TENM2: variants seen among roughly 807,000 people sequenced by gnomAD.
TENM2 encodes the protein teneurin transmembrane protein 2.
A neutral mutation model predicts 245.2 loss-of-function variants in TENM2; 52 were observed. The observed-to-expected ratio is 0.21, with a 90% CI of 0.17 to 0.27. The LOEUF (loss-of-function observed/expected upper bound fraction) is 0.27, where lower values mean the gene tolerates loss of function less well. Ranked by LOEUF, TENM2 falls within the 10% of genes least tolerant of loss-of-function variation. The probability of loss-of-function intolerance (pLI) is 1.00; values close to 1 mark genes in which losing one functional copy is unlikely to be tolerated. For missense variants in TENM2, 3,046 were observed against 3,666.8 expected (o/e 0.83, Z 4.37); for synonymous variants, 1,363 against 1,438.9 (o/e 0.95, Z 1.19).
At chr5:167,641,351 A>G (rs1354817465) in intron 2 of TENM2, among the ~76,000 whole-genome samples, 2 of 152,118 alleles carry the variant, frequency 1.3e-5, no homozygotes, top group African/African-American at 2.4e-5. Context: ...TTTATCACCT[A>G]TATATCATGG....
At chr5:167,057,067 T>C in the TENM2 span, among the ~76,000 whole-genome samples, 4 of 152,160 alleles carry the variant, frequency 2.6e-5, no homozygotes, top group Non-Finnish European at 4.4e-5. Context: ...ATTTCTATTA[T>C]CATATCCTCA....
At chr5:167,801,107 AAAATATATATATATATATATATAT>A (rs1765700856) in intron 2 of TENM2, among the ~76,000 whole-genome samples, 1 of 63,756 alleles carries the variant, frequency 1.6e-5, no homozygotes, top group Non-Finnish European at 2.8e-5. Context: ...AAAAAAAAAA[AAAATATATATATATATATATATAT>A]ATATATATAT....
Position 167,426,502 on chromosome 5 carries a change from G to A in TENM2, c.502+51029G>A, listed in dbSNP as rs577686343. Among the ~76,000 whole-genome samples, 373 of 137,030 alleles carry A rather than the reference G, an allele frequency of 2.7e-3. 1 individual carries two copies. Among genetic ancestry groups the A allele is most frequent in the African/African-American group, 0.01 (355 of 35,250 alleles). The allele number at this position is 137,030 out of a possible 152,430, so 89.9% of individuals were successfully genotyped here. ...GGGTGGGAAGATTGCTTGAGCCCAAGTGTTTGAGACCAACCTGGGCAACAT... is the reference window on the plus strand; with the variant it reads ...GGGTGGGAAGATTGCTTGAGCCCAAATGTTTGAGACCAACCTGGGCAACAT... On this transcript the variant is annotated intron_variant, in intron 2 of 28. Coordinates refer to ENST00000518659, the Ensembl canonical transcript of TENM2.
chr5:167,191,056 G>T, the TENM2 span, among the ~76,000 whole-genome samples: 2 of 151,830 alleles, frequency 1.3e-5, no homozygotes, highest in East Asian at 3.9e-4. Flanking sequence ...TAATGGTGCT[G>T]GGACAATTTG....
chr5:167,676,954 A>G (rs1163641850), intron 2 of TENM2, among the ~76,000 whole-genome samples: 1 of 152,102 alleles, frequency 6.6e-6, no homozygotes, highest in African/African-American at 2.4e-5. Context: ...TCCTGAAGTC[A>G]GCTGCTGTCT....
intron 3 of TENM2, among the ~76,000 whole-genome samples, chr5:167,888,260 C>G (rs896359834): frequency 8.5e-5 from 13 of 152,150 alleles, no homozygotes; most frequent in Non-Finnish European, 7.3e-5. Flanking sequence ...ATTGAACCCA[C>G]CATGCTCGTT....
At chr5:167,070,586 A>G in the TENM2 span, among the ~76,000 whole-genome samples, 1 of 152,122 alleles carries the variant, frequency 6.6e-6, no homozygotes, top group African/African-American at 2.4e-5. Flanking sequence ...TGAATAATCT[A>G]TATAATCTTT....
chr5:167,267,094 G>A, the TENM2 span, among the ~76,000 whole-genome samples: 37 of 152,228 alleles, frequency 2.4e-4, no homozygotes, highest in East Asian at 6.4e-3. Flanking sequence ...CATAGAGAAT[G>A]GCATGTTATC....
chr5:167,460,174 G>A (rs1341016169), intron 2 of TENM2, among the ~76,000 whole-genome samples: 2 of 152,106 alleles, frequency 1.3e-5, no homozygotes, highest in African/African-American at 4.8e-5. Flanking sequence ...TTTAGTTAGA[G>A]CCACATCTAG....
chr5:168,261,065 G>A (rs1376864596), intron 28 of TENM2, among the ~76,000 whole-genome samples: 1 of 152,230 alleles, frequency 6.6e-6, no homozygotes, highest in Admixed American at 6.5e-5. Flanking sequence ...CTATAGAGAG[G>A]CAAGGAGGAG....
In TENM2 at chr5:168,203,666, G is replaced by T. The variant is rs370153966; in HGVS notation, c.3431-23G>T. ...TAAACTCTCTCTTTTCTCTCACTCT[G>T]CCCCACCCCTTTTATCTTTCAGTGT... On this transcript the variant is annotated intron_variant, in intron 17 of 28. Transcript: ENST00000518659. The T allele has an allele frequency of 8.9e-6, 14 of 1,577,100 alleles. No homozygotes were observed. In the African/African-American group the frequency reaches 1.7e-4, roughly 20 times the overall value.
At chr5:167,438,400 A>G (rs989002908) in intron 2 of TENM2, among the ~76,000 whole-genome samples, 8 of 152,194 alleles carry the variant, frequency 5.3e-5, no homozygotes, top group Non-Finnish European at 1.2e-4. Context: ...CTAGGTGTTC[A>G]GCTTTGCAAT....
chr5:167,437,497 T>A (rs1259801826), intron 2 of TENM2, among the ~76,000 whole-genome samples: 2 of 152,064 alleles, frequency 1.3e-5, no homozygotes, highest in Admixed American at 6.6e-5. Context: ...GACTTTTGAG[T>A]TAATGCTGAA....
In TENM2 at chr5:167,821,363, A is replaced by G. The variant is rs369595051; in HGVS notation, c.503-54623A>G. 77 of 152,314 alleles carry G rather than the reference A, an allele frequency of 5.1e-4. 1 individual carries two copies. Among genetic ancestry groups the G allele is most frequent in the African/African-American group, 1.8e-3 (76 of 41,562 alleles). 9.4% of individuals were successfully genotyped at this position (152,314 alleles called of 1,614,324 possible). A position where few individuals can be genotyped will look rare whatever the true frequency, so the allele number is the denominator to read the frequency against. The stretch of plus-strand genomic sequence containing the variant: ...TTCTCGCAGAGCAAGGATCTGTTCA[A>G]ATCTGGGCTGTTTTACAGTTTTTGG... On this transcript the variant is annotated intron_variant, in intron 2 of 28. Coordinates refer to ENST00000518659, the Ensembl canonical transcript of TENM2.
At chr5:167,856,944 C>A (rs1438604775) in intron 2 of TENM2, among the ~76,000 whole-genome samples, 2 of 152,130 alleles carry the variant, frequency 1.3e-5, no homozygotes, top group African/African-American at 4.8e-5. Context: ...TTTTTGTCAA[C>A]AAATATTTAT....
At chr5:167,711,949 A>G (rs998781534) in intron 2 of TENM2, among the ~76,000 whole-genome samples, 1 of 152,220 alleles carries the variant, frequency 6.6e-6, no homozygotes, top group African/African-American at 2.4e-5. Flanking sequence ...TTTTTAATAC[A>G]TTGCTTAAAA....
At chr5:167,780,092 C>A (rs1764089949) in intron 2 of TENM2, among the ~76,000 whole-genome samples, 1 of 152,194 alleles carries the variant, frequency 6.6e-6, no homozygotes, top group Admixed American at 6.5e-5. Flanking sequence ...GTGGTTTACA[C>A]ACTTGGCATT....
At chr5:167,856,553 G>A (rs983682494) in intron 2 of TENM2, among the ~76,000 whole-genome samples, 2 of 152,136 alleles carry the variant, frequency 1.3e-5, no homozygotes, top group Admixed American at 1.3e-4. Flanking sequence ...TATGGATCTC[G>A]ATTTTCAGCT....
intron 2 of TENM2, chr5:167,573,968 G>A (rs1774466559): frequency 6.6e-6 from 1 of 152,126 alleles, no homozygotes; most frequent in Admixed American, 6.6e-5. Context: ...GTAAGGATTG[G>A]AGCGAGCTAG....
Sources: allele counts gnomAD v4.1 joint callset (sites outside exome capture counted in the v4.1 genomes callset), GRCh38; gene constraint gnomAD v4.1.1; transcripts MANE v1.5; gene names NCBI Gene and HGNC (gene_info 2026-07-23, HGNC 2026-07-21).